C8orf90: variants seen among roughly 807,000 people sequenced by gnomAD.
C8orf90 encodes chromosome 8 open reading frame 90, also known as uncharacterized protein C8orf90.
the C8orf90 span, among the ~76,000 whole-genome samples, chr8:141,516,493 C>T: frequency 1.2e-4 from 18 of 152,174 alleles, no homozygotes; most frequent in Non-Finnish European, 1.8e-4. Flanking sequence ...CGGCAGCACA[C>T]GGCTCAGGTC....
chr8:141,515,906 C>A, the C8orf90 span, among the ~76,000 whole-genome samples: 3 of 152,202 alleles, frequency 2.0e-5, no homozygotes, highest in Admixed American at 2.0e-4. Flanking sequence ...CTAGCAACCA[C>A]CTCGCACCTT....
At chr8:141,517,584 C>G in the C8orf90 span, among the ~76,000 whole-genome samples, 2 of 152,190 alleles carry the variant, frequency 1.3e-5, no homozygotes, top group Non-Finnish European at 2.9e-5. Context: ...GGGGCCGCAC[C>G]TCCCTCTGGA....
chr8:141,516,217 A>G, the C8orf90 span, among the ~76,000 whole-genome samples: 1 of 152,276 alleles, frequency 6.6e-6, no homozygotes, highest in South Asian at 2.1e-4. Flanking sequence ...TCCCACTGGC[A>G]TGAAAGCATG....
At chr8:141,516,800 G>A in the C8orf90 span, among the ~76,000 whole-genome samples, 2 of 152,254 alleles carry the variant, frequency 1.3e-5, no homozygotes, top group African/African-American at 4.8e-5. Context: ...CGCTGTCCAC[G>A]GTGCTGATTT....
At chr8:141,515,758 A>G in the C8orf90 span, among the ~76,000 whole-genome samples, 1 of 151,988 alleles carries the variant, frequency 6.6e-6, no homozygotes, top group East Asian at 1.9e-4. Flanking sequence ...TGGCAGCTCC[A>G]ACTCCCTGCT....
the C8orf90 span, chr8:141,518,180 G>T: frequency 9.6e-6 from 5 of 522,214 alleles, no homozygotes; most frequent in African/African-American, 1.0e-4. Flanking sequence ...GGCCCTCCCC[G>T]CCCTGCCGGG....
chr8:141,518,291 G>C, the C8orf90 span: 10 of 662,618 alleles, frequency 1.5e-5, no homozygotes, highest in Non-Finnish European at 2.7e-6. Flanking sequence ...GCGCATTTCC[G>C]CGGCATCGGG....
At chr8:141,517,180 A>C in the C8orf90 span, among the ~76,000 whole-genome samples, 1 of 95,544 alleles carries the variant, frequency 1.0e-5, no homozygotes, top group Non-Finnish European at 2.7e-5. Flanking sequence ...CAGACTGAAT[A>C]TTGTTACCCC....
At chr8:141,517,074 C>T in the C8orf90 span, among the ~76,000 whole-genome samples, 121 of 152,306 alleles carry the variant, frequency 7.9e-4, no homozygotes, top group Middle Eastern at 3.4e-3. Flanking sequence ...GCCCTTGAGC[C>T]GGGGGCGTGG....
the C8orf90 span, chr8:141,514,718 A>AC: frequency 1.4e-6 from 1 of 700,282 alleles, no homozygotes; most frequent in Non-Finnish European, 2.6e-6. Context: ...TTGTCCTGGG[A>AC]CCCCCAGCCC....
the C8orf90 span, among the ~76,000 whole-genome samples, chr8:141,515,140 T>C: frequency 9.8e-6 from 1 of 102,374 alleles, no homozygotes; most frequent in Admixed American, 1.0e-4. Context: ...GCTCTGGATC[T>C]CAGAGGCAGT....
At chr8:141,518,560 A>G in the C8orf90 span, 1 of 438,974 alleles carries the variant, frequency 2.3e-6, no homozygotes, top group Admixed American at 4.5e-5. Flanking sequence ...GCTGGCCCTG[A>G]GCTGCGCCCG....
chr8:141,515,706 C>A, the C8orf90 span, among the ~76,000 whole-genome samples: 1 of 152,092 alleles, frequency 6.6e-6, no homozygotes, highest in Non-Finnish European at 1.5e-5. Context: ...GCCATGGCCT[C>A]TGCCCCCTCG....
chr8:141,517,189 C>T, the C8orf90 span, among the ~76,000 whole-genome samples: 10 of 86,288 alleles, frequency 1.2e-4, no homozygotes, highest in East Asian at 2.7e-3. Context: ...TATTGTTACC[C>T]CTCCCAAGGG....
chr8:141,514,786 G>A, the C8orf90 span: 34 of 700,332 alleles, frequency 4.9e-5, no homozygotes, highest in South Asian at 2.1e-4. Flanking sequence ...GTGAGGGAGG[G>A]GAATGGACGG....
At chr8:141,518,239 G>A in the C8orf90 span, 2 of 620,210 alleles carry the variant, frequency 3.2e-6, no homozygotes, top group Non-Finnish European at 5.8e-6. Flanking sequence ...CCCGGAGCCC[G>A]CCTTCCCGGA....
chr8:141,518,123 C>T, the C8orf90 span: 1 of 524,092 alleles, frequency 1.9e-6, no homozygotes, highest in South Asian at 2.4e-5. Flanking sequence ...CTGGCCACCT[C>T]TCTTCGCGCC....
the C8orf90 span, chr8:141,518,313 C>A: frequency 1.5e-5 from 10 of 669,062 alleles, no homozygotes; most frequent in Non-Finnish European, 2.4e-5. Flanking sequence ...GCGCCTACCG[C>A]GCGCTGGGCA....
chr8:141,515,178 T>G, the C8orf90 span, among the ~76,000 whole-genome samples: 2 of 44,096 alleles, frequency 4.5e-5, no homozygotes, highest in South Asian at 1.7e-3. Context: ...ATCCATTCAC[T>G]CACCCATCTA....
Sources: gnomAD v4.1 joint callset for allele counts (sites outside exome capture counted in the v4.1 genomes callset) on GRCh38, gnomAD v4.1.1 for gene constraint, MANE v1.5 for transcripts, NCBI Gene and HGNC (gene_info 2026-07-23, HGNC 2026-07-21) for gene names.